RANBP3L: variants seen among roughly 807,000 people sequenced by gnomAD.
RANBP3L encodes the protein ran-binding protein 3-like.
Under a neutral mutation model 67.2 loss-of-function variants are expected in RANBP3L, and 56 were observed. The ratio of observed to expected loss-of-function variants is 0.83; its 90% CI spans 0.67 to 1.04. The LOEUF (loss-of-function observed/expected upper bound fraction) is 1.04. Ranked by LOEUF, RANBP3L falls within the 50% of genes least tolerant of loss-of-function variation. RANBP3L has a pLI of 0.00. For missense variants in RANBP3L, 496 were observed against 535.5 expected, an observed-to-expected ratio of 0.93 and a Z score of 0.73; for synonymous variants, 164 against 181.4, an observed-to-expected ratio of 0.90 and a Z score of 0.77.
At chr5:36,266,193 A>G (rs895213375) in intron 4 of RANBP3L, among the ~76,000 whole-genome samples, 1 of 152,280 alleles carries the variant, frequency 6.6e-6, no homozygotes, top group South Asian at 2.1e-4. Flanking sequence ...ATAGAATATT[A>G]TAAAACTGTT....
At chr5:36,269,244 A>G (rs1750035136) in intron 4 of RANBP3L, 146 bp downstream of exon 4, 2 of 607,116 alleles carry the variant, frequency 3.3e-6, no homozygotes, top group South Asian at 2.2e-5. Flanking sequence ...GTACCATTGT[A>G]TAGCTTGTTG....
At position 36,269,987 on chromosome 5, in the gene RANBP3L, G is replaced by A; in HGVS notation, c.154C>T (p.Pro52Ser). The A allele has an allele frequency of 1.2e-6, 2 of 1,613,198 alleles. No individual in the cohort carries two copies. Among genetic ancestry groups the A allele is most frequent in the Non-Finnish European group, 1.7e-6 (2 of 1,179,122 alleles). ...FEKGEQTFKR[P>S]AEDTLYEAAE... The stretch of plus-strand genomic sequence containing the variant: ...GCTTCATACAGGGTGTCTTCTGCAG[G>A]TCTCTGAAAGGAAACAAAACCACTG... The change falls in exon 3 of 14, where the codon CCT (proline) becomes TCT (serine). Residue 52 changes from proline (P) to serine (S), a missense_variant. By Grantham distance (74) the Pro-to-Ser change is moderately conservative. Transcript: ENST00000296604.
At chr5:36,251,918 T>C (rs551219162) in intron 12 of RANBP3L, among the ~76,000 whole-genome samples, 4 of 152,236 alleles carry the variant, frequency 2.6e-5, no homozygotes, top group African/African-American at 7.2e-5. Flanking sequence ...TATGCTGAGC[T>C]CATTAGAGCA....
chr5:36,297,750 T>A (rs1018247395), intron 1 of RANBP3L, among the ~76,000 whole-genome samples: 1 of 152,200 alleles, frequency 6.6e-6, no homozygotes, highest in East Asian at 1.9e-4. Context: ...ATGAGCCTCC[T>A]GGACTTGTGT....
In RANBP3L at chr5:36,249,640, A is replaced by G. The variant is rs116800709; in HGVS notation, c.*14T>C. On this transcript the variant is annotated 3_prime_UTR_variant, in exon 14 of 14. Transcript: ENST00000296604. Reference sequence around the variant, plus strand: ...CCCTCTTTTTGTAGATGTCATGTTTATAGTAGGTAGTATTCATGAACAGGC... The same window carrying G: ...CCCTCTTTTTGTAGATGTCATGTTTGTAGTAGGTAGTATTCATGAACAGGC... 7,544 of 1,470,830 alleles carry G rather than the reference A, an allele frequency of 5.1e-3. 46 individuals carry two copies. Among genetic ancestry groups the G allele is most frequent in the Admixed American group, 6.3e-3 (350 of 55,202 alleles). The allele number at this position is 1,470,830 out of a possible 1,614,324, so 91.1% of individuals were successfully genotyped here. A position where few individuals can be genotyped will look rare whatever the true frequency, so the allele number is the denominator to read the frequency against.
At chr5:36,279,249 G>A (rs902785271) in intron 1 of RANBP3L, among the ~76,000 whole-genome samples, 1 of 152,138 alleles carries the variant, frequency 6.6e-6, no homozygotes, top group African/African-American at 2.4e-5. Flanking sequence ...TATCCCCAGA[G>A]GAAGAAGGAA....
intron 1 of RANBP3L, among the ~76,000 whole-genome samples, chr5:36,274,669 A>C (rs1414365920): frequency 1.3e-5 from 2 of 152,198 alleles, no homozygotes; most frequent in Non-Finnish European, 2.9e-5. Flanking sequence ...TATTCCAAGA[A>C]AAATGGGATG....
At chr5:36,276,268 A>T (rs1198045493) in intron 1 of RANBP3L, among the ~76,000 whole-genome samples, 1 of 152,196 alleles carries the variant, frequency 6.6e-6, no homozygotes, top group Non-Finnish European at 1.5e-5. Flanking sequence ...CTTTACTCAA[A>T]ACACTCATCT....
intron 1 of RANBP3L, among the ~76,000 whole-genome samples, chr5:36,276,526 T>C (rs1051051931): frequency 3.3e-5 from 5 of 152,228 alleles, no homozygotes; most frequent in African/African-American, 1.2e-4. Context: ...TATGCATATA[T>C]TTAATTGCTT....
intron 6 of RANBP3L, among the ~76,000 whole-genome samples, chr5:36,264,379 A>T (rs539325119): frequency 6.6e-6 from 1 of 152,252 alleles, no homozygotes; most frequent in South Asian, 2.1e-4. Context: ...CCCCAAACCC[A>T]TATCTGCACG....
intron 1 of RANBP3L, among the ~76,000 whole-genome samples, chr5:36,298,375 A>G (rs1752382504): frequency 1.3e-5 from 2 of 152,200 alleles, no homozygotes; most frequent in African/African-American, 4.8e-5. Context: ...TCGAATGTCA[A>G]TTAATCATAG....
rs1750972917 is a variant in RANBP3L, at chr5:36,281,562, TG to T, written c.92-10252del. 2.0e-5 allele frequency among the ~76,000 whole-genome samples: 3 copies of T among 152,162 alleles called. No individual in the cohort carries two copies. In the South Asian group the frequency reaches 6.2e-4, roughly 32 times the overall value. On this transcript the variant is annotated intron_variant, in intron 1 of 13. Transcript: ENST00000296604. ...CTTCTTTTCTGAAAGGTGACATGCC[TG>T]GGCTATGATGGCTCTTTCCTGCCTT...
At chr5:36,250,684 T>C (rs1349569990) in intron 13 of RANBP3L, among the ~76,000 whole-genome samples, 1 of 152,146 alleles carries the variant, frequency 6.6e-6, no homozygotes, top group Non-Finnish European at 1.5e-5. Flanking sequence ...CTTACTATGT[T>C]TGACATTGTT....
intron 1 of RANBP3L, among the ~76,000 whole-genome samples, chr5:36,276,503 T>A (rs1750578024): frequency 6.6e-6 from 1 of 152,106 alleles, no homozygotes; most frequent in South Asian, 2.1e-4. Flanking sequence ...GGAAAAAAAA[T>A]TCAGCTGAAT....
chr5:36,262,247 C>G (rs146589434), intron 6 of RANBP3L, among the ~76,000 whole-genome samples: 576 of 152,244 alleles, frequency 3.8e-3, no homozygotes, highest in Non-Finnish European at 6.8e-3. Context: ...GGTGAGTAAA[C>G]TGACACAAAA....
At chr5:36,298,074 G>A (rs113024821) in intron 1 of RANBP3L, among the ~76,000 whole-genome samples, 6,140 of 152,040 alleles carry the variant, frequency 0.04, 425 homozygotes, top group African/African-American at 0.14. Flanking sequence ...GCCGAGGTGG[G>A]AAGATCATGA....
rs767230981 is a variant in RANBP3L at position 36,297,439 on chromosome 5, ACACACACG to A, written c.91+3879_91+3886del. The stretch of plus-strand genomic sequence containing the variant: ...GAGTCACCTGTATACACACACACAC[ACACACACG>A]CACACACACACATCCTATTGGTTCT... On this transcript the variant is annotated intron_variant, in intron 1 of 13. Transcript: ENST00000296604. Among the ~76,000 whole-genome samples the A allele has an allele frequency of 1.5e-3, 229 of 151,610 alleles. 4 individuals are homozygous for A. The highest frequency in any genetic ancestry group is 3.1e-4 in the Non-Finnish European group (21 of 67,868).
At chr5:36,283,661 C>A (rs961480327) in intron 1 of RANBP3L, among the ~76,000 whole-genome samples, 3 of 152,084 alleles carry the variant, frequency 2.0e-5, no homozygotes, top group African/African-American at 7.2e-5. Flanking sequence ...TCAGCATTCA[C>A]AGACTTTCCT....
At chr5:36,271,583 C>A (rs1261292964) in intron 1 of RANBP3L, among the ~76,000 whole-genome samples, 3 of 151,958 alleles carry the variant, frequency 2.0e-5, no homozygotes, top group African/African-American at 7.2e-5. Flanking sequence ...TTAAGGAAAA[C>A]AAAATATAAT....
Sources: gnomAD v4.1 joint callset for allele counts (sites outside exome capture counted in the v4.1 genomes callset) on GRCh38, gnomAD v4.1.1 for gene constraint, MANE v1.5 for transcripts, NCBI Gene and HGNC (gene_info 2026-07-23, HGNC 2026-07-21) for gene names.